The following POLR2F variants were observed in gnomAD, a reference collection of about 807,000 sequenced individuals.
The protein encoded by POLR2F is RNA polymerase II, I and III subunit F.
POLR2F carries 12 observed loss-of-function variants against 22.7 expected under a neutral mutation model. The ratio of observed to expected loss-of-function variants is 0.53; its 90% CI spans 0.34 to 0.86. POLR2F has a LOEUF of 0.86. POLR2F is among the 40% of genes least tolerant of loss of function. The pLI is 0.02. For synonymous variants in POLR2F, 57 were observed against 66.0 expected (o/e 0.86, Z 0.66); for missense variants, 126 against 171.5 (o/e 0.73, Z 1.48).
intron 4 of POLR2F, among the ~76,000 whole-genome samples, chr22:37,979,914 C>T (rs1381408820): frequency 6.6e-6 from 1 of 152,070 alleles, no homozygotes; most frequent in Non-Finnish European, 1.5e-5. Flanking sequence ...ACCCCTCACA[C>T]CCCAGTGAGT....
rs1309228528 is a variant in POLR2F, at chr22:37,986,465, T to A, written c.120+153T>A. Reference sequence around the variant, plus strand: ...GAGCCCAGAGTTAGGAGGTGGAATGTGGGGTCCCACAGCTGCCCCCTCTCT... The same window carrying A: ...GAGCCCAGAGTTAGGAGGTGGAATGAGGGGTCCCACAGCTGCCCCCTCTCT... On this transcript the variant is annotated intron_variant, in intron 1 of 2. Transcript: ENST00000333418. This position sits in a 1 kb window ranked among gnomAD's most constrained non-coding sequence, Gnocchi z 4.7. 1 of 1,494,210 alleles carries A rather than the reference T, an allele frequency of 6.7e-7. No individual in the cohort carries two copies. 92.6% of individuals were successfully genotyped at this position (1,494,210 alleles called of 1,614,324 possible).
intron 5 of POLR2F, among the ~76,000 whole-genome samples, chr22:38,038,866 C>T (rs1467676261): frequency 1.3e-5 from 2 of 151,790 alleles, no homozygotes; most frequent in Non-Finnish European, 2.9e-5. Context: ...AGCGCCTGCA[C>T]TGGCGGCCGC....
chr22:37,956,953 C>G (rs1931429176), intron 2 of POLR2F, 111 bp downstream of exon 2: 1 of 827,812 alleles, frequency 1.2e-6, no homozygotes. Context: ...AGGCCCCTGC[C>G]ATAAGCATTC....
rs370790657 is a variant in POLR2F at position 37,990,310 on chromosome 22, C to T, written c.120+3998C>T. On this transcript the variant is annotated intron_variant, in intron 1 of 2. Transcript: ENST00000333418. ...GGACCCAGGCCAGCAAGGCAGCTCC[C>T]GGGGTTGGAATCTTCCTTCGCTCCC... is the stretch of plus-strand genomic sequence containing the variant. 7.9e-5 allele frequency among the ~76,000 whole-genome samples: 12 copies of T among 152,346 alleles called. No homozygotes were observed. In the East Asian group the frequency reaches 9.7e-4, roughly 12 times the overall value.
intron 1 of POLR2F, among the ~76,000 whole-genome samples, chr22:38,023,731 G>A (rs5995530): frequency 0.59 from 89,432 of 151,718 alleles, 26,522 homozygotes; most frequent in East Asian, 0.75. Flanking sequence ...GGAGTGCAGT[G>A]GCACGATCTT....
chr22:38,040,743 T>A, intron 5 of POLR2F: 1 of 419,648 alleles, frequency 2.4e-6, no homozygotes, highest in Non-Finnish European at 4.4e-6. Flanking sequence ...TCAGCTTCAG[T>A]TTCCTCCTTT....
intron 1 of POLR2F, among the ~76,000 whole-genome samples, chr22:38,008,129 A>G (rs1569179284): frequency 6.6e-6 from 1 of 152,166 alleles, no homozygotes; most frequent in Non-Finnish European, 1.5e-5. Flanking sequence ...AATCCCAGCT[A>G]CTCAGGAGAC....
At chr22:37,983,285 C>A, upstream of POLR2F, 3 of 1,516,782 alleles carry the variant, frequency 2.0e-6, no homozygotes, top group African/African-American at 1.4e-5. This position sits in a 1 kb window ranked among gnomAD's most constrained non-coding sequence, Gnocchi z 9.5. Flanking sequence ...TGCAGGAGGC[C>A]GGGCCGCCTC....
chr22:37,981,831 G>A (rs941037180), upstream of POLR2F, among the ~76,000 whole-genome samples: 15 of 152,226 alleles, frequency 9.9e-5, no homozygotes, highest in African/African-American at 2.4e-4. Flanking sequence ...TCCACACAGC[G>A]GGCTGGTCGC....
intron 1 of POLR2F, among the ~76,000 whole-genome samples, chr22:37,995,215 G>C (rs1250527635): frequency 6.6e-6 from 1 of 152,194 alleles, no homozygotes; most frequent in Non-Finnish European, 1.5e-5. Flanking sequence ...ACTGAGACAG[G>C]CCCACATTTG....
Position 38,016,774 on chromosome 22 carries a change from G to C in POLR2F, c.121-9095G>C, listed in dbSNP as rs533778281. Among the ~76,000 whole-genome samples, 146 of 151,812 alleles carry C rather than the reference G, an allele frequency of 9.6e-4. No individual in the cohort carries two copies. Among genetic ancestry groups the C allele is most frequent in the Non-Finnish European group, 1.7e-3 (114 of 67,924 alleles). On this transcript the variant is annotated intron_variant, in intron 1 of 2. Transcript: ENST00000333418. The surrounding 1 kb of genome is among the most constrained non-coding windows in gnomAD (Gnocchi z 4.4). ...GGGGGCCGCCGTCAATGCCCGCATT[G>C]TCCCCGCGCTTTTTGTTTCTACTGT... is the stretch of plus-strand genomic sequence containing the variant.
chr22:37,971,264 C>T (rs1201597547), downstream of POLR2F: 1 of 471,052 alleles, frequency 2.1e-6, no homozygotes, highest in African/African-American at 2.0e-5. Context: ...ACCAGCACTT[C>T]TTAGCATCAG....
chr22:37,999,595 C>T (rs2084750306), intron 1 of POLR2F, among the ~76,000 whole-genome samples: 1 of 152,136 alleles, frequency 6.6e-6, no homozygotes, highest in South Asian at 2.1e-4. Flanking sequence ...CCTTCCCCTC[C>T]CCAGGGCCTC....
At chr22:37,969,830 A>G (rs1423386611), downstream of POLR2F, among the ~76,000 whole-genome samples, 1 of 152,180 alleles carries the variant, frequency 6.6e-6, no homozygotes, top group African/African-American at 2.4e-5. Context: ...ATATTGCCAA[A>G]TAAGTTTTTT....
rs368674721 is a variant in POLR2F at position 37,967,057 on chromosome 22, C to T, written c.222-42C>T. 3.8e-4 allele frequency: 561 copies of T among 1,478,242 alleles called. 1 individual carries two copies. The highest frequency in any genetic ancestry group is 4.7e-4 in the Non-Finnish European group (513 of 1,083,066). The allele number at this position is 1,478,242 out of a possible 1,614,324, so 91.6% of individuals were successfully genotyped here. ...CTCACTGCCTGTTGGGCCCTTCTCC[C>T]TGGGTTTGTAGTCTCCCTAACACCT... On this transcript the variant is annotated intron_variant, in intron 3 of 4. Coordinates refer to ENST00000442738, the MANE Select transcript of POLR2F (RefSeq NM_021974.5).
upstream of POLR2F, chr22:37,983,521 C>T: frequency 1.2e-6 from 2 of 1,610,346 alleles, no homozygotes; most frequent in Non-Finnish European, 1.7e-6. This position sits in a 1 kb window ranked among gnomAD's most constrained non-coding sequence, Gnocchi z 9.5. Flanking sequence ...CGGGCATGGG[C>T]ACCAGCGTCC....
chr22:38,037,081 G>T (rs527271788), intron 5 of POLR2F, among the ~76,000 whole-genome samples: 1 of 152,192 alleles, frequency 6.6e-6, no homozygotes, highest in South Asian at 2.1e-4. Flanking sequence ...AGGTTTACTT[G>T]TATACTATGC....
In POLR2F at chr22:37,965,167, G is replaced by A. The variant is rs147302645; in HGVS notation, c.222-1932G>A. ...ACTACAGGCATGTGCCACCACGGCC[G>A]GCTAATTTTTTGTATTTTTAGTAGA... On this transcript the variant is annotated intron_variant, in intron 3 of 4. Transcript: ENST00000442738. Among the ~76,000 whole-genome samples the A allele has an allele frequency of 1.1e-4, 16 of 151,912 alleles. No homozygotes were observed. In the East Asian group the frequency reaches 3.1e-3, roughly 30 times the overall value.
chr22:37,994,581 T>C (rs1323580352), intron 1 of POLR2F, among the ~76,000 whole-genome samples: 3 of 152,010 alleles, frequency 2.0e-5, no homozygotes, highest in African/African-American at 7.2e-5. Context: ...TGCAGTGGAG[T>C]GATCTCGGCT....
Sources: gnomAD v4.1 joint callset for allele counts (sites outside exome capture counted in the v4.1 genomes callset) on GRCh38, gnomAD v4.1.1 for gene constraint, Gnocchi (gnomAD v3.1) non-coding constraint, MANE v1.5 for transcripts, NCBI Gene and HGNC (gene_info 2026-07-23, HGNC 2026-07-21) for gene names.